The following GRID2 variants were observed in gnomAD, a reference collection of about 807,000 sequenced individuals.
The protein encoded by GRID2 is glutamate receptor ionotropic, delta-2.
A neutral mutation model predicts 114.8 loss-of-function variants in GRID2; 33 were observed. The observed-to-expected ratio is 0.29, with a 90% CI of 0.22 to 0.38. The LOEUF (loss-of-function observed/expected upper bound fraction) is 0.38, where lower values mean the gene tolerates loss of function less well. GRID2 is among the 10% of genes least tolerant of loss of function. The pLI is 1.00. For synonymous variants in GRID2, 505 were observed against 449.9 expected (o/e 1.12, Z -1.55); for missense variants, 1,184 against 1,257.7 (o/e 0.94, Z 0.89).
At chr4:93,155,989 C>G (rs1219259403) in intron 4 of GRID2, among the ~76,000 whole-genome samples, 2 of 150,900 alleles carry the variant, frequency 1.3e-5, no homozygotes, top group East Asian at 3.9e-4. Context: ...ATTCCTAACA[C>G]GAAGAAACGA....
chr4:93,625,755 A>C (rs983182384), intron 13 of GRID2, among the ~76,000 whole-genome samples: 2 of 152,266 alleles, frequency 1.3e-5, no homozygotes, highest in Middle Eastern at 6.8e-3. Context: ...CTCTACTAAA[A>C]ATACAAAAAA....
intron 1 of GRID2, among the ~76,000 whole-genome samples, chr4:93,794,469 C>G (rs542691864): frequency 6.6e-6 from 1 of 152,238 alleles, no homozygotes; most frequent in East Asian, 1.9e-4. Context: ...GGAAAGGAGC[C>G]GTGGAGAGGC....
chr4:92,596,786 G>C (rs756122287), intron 2 of GRID2, among the ~76,000 whole-genome samples: 41 of 151,280 alleles, frequency 2.7e-4, no homozygotes, highest in Admixed American at 9.2e-4. Flanking sequence ...ACCTAATTTT[G>C]AGATTACTCA....
intron 2 of GRID2, among the ~76,000 whole-genome samples, chr4:92,646,053 C>A (rs1731601534): frequency 1.3e-5 from 2 of 151,740 alleles, no homozygotes; most frequent in South Asian, 4.2e-4. Flanking sequence ...GTTTTAGACT[C>A]CTACCGGCTT....
At chr4:93,413,202 C>T (rs1767376129) in intron 9 of GRID2, among the ~76,000 whole-genome samples, 3 of 152,136 alleles carry the variant, frequency 2.0e-5, no homozygotes, top group Admixed American at 2.0e-4. Context: ...AACTAATTTA[C>T]ACTCCCACCA....
intron 13 of GRID2, among the ~76,000 whole-genome samples, chr4:93,591,731 A>G (rs1738340448): frequency 6.6e-6 from 1 of 152,184 alleles, no homozygotes; most frequent in Non-Finnish European, 1.5e-5. Flanking sequence ...CCACAATTTC[A>G]GATCCTGTTA....
chr4:92,451,551 G>C (rs1364651099), intron 1 of GRID2, among the ~76,000 whole-genome samples: 1 of 151,980 alleles, frequency 6.6e-6, no homozygotes, highest in African/African-American at 2.4e-5. Context: ...ATGTGCTCAG[G>C]GTAGAAGTAA....
At chr4:93,108,879 T>A (rs772292861) in intron 3 of GRID2, among the ~76,000 whole-genome samples, 1 of 152,132 alleles carries the variant, frequency 6.6e-6, no homozygotes, top group Non-Finnish European at 1.5e-5. Context: ...TCTGCCCCCC[T>A]CGGTCTCCCA....
At chr4:93,704,487 G>A (rs537016565) in intron 14 of GRID2, among the ~76,000 whole-genome samples, 50 of 152,168 alleles carry the variant, frequency 3.3e-4, no homozygotes, top group African/African-American at 1.2e-3. Context: ...CTGTGCAGAA[G>A]CTCTTTAGTT....
intron 13 of GRID2, among the ~76,000 whole-genome samples, chr4:93,624,988 G>T (rs1742564993): frequency 6.6e-6 from 1 of 152,194 alleles, no homozygotes; most frequent in South Asian, 2.1e-4. Context: ...CCACCAGGGA[G>T]TTTTCTTCTA....
chr4:92,704,744 TCCCTCC>T (rs1734873325), intron 2 of GRID2, among the ~76,000 whole-genome samples: 9 of 147,520 alleles, frequency 6.1e-5, no homozygotes, highest in South Asian at 2.2e-4. Context: ...TCTCTCTCTC[TCCCTCC>T]CTCTCTCCCT....
At chr4:92,733,492 G>A (rs765240752) in intron 2 of GRID2, among the ~76,000 whole-genome samples, 1 of 152,028 alleles carries the variant, frequency 6.6e-6, no homozygotes, top group Non-Finnish European at 1.5e-5. Context: ...CAGGGGACAG[G>A]ACTGAAAAGA....
intron 2 of GRID2, among the ~76,000 whole-genome samples, chr4:93,035,510 T>A (rs1456632605): frequency 6.6e-6 from 1 of 152,136 alleles, no homozygotes; most frequent in Non-Finnish European, 1.5e-5. Context: ...ATTTTCTCAT[T>A]GTTTCTGTGG....
At chr4:93,780,536 C>G (rs1176760946) in intron 1 of GRID2, among the ~76,000 whole-genome samples, 2 of 152,176 alleles carry the variant, frequency 1.3e-5, no homozygotes, top group Admixed American at 1.3e-4. Flanking sequence ...TTTACTAGTT[C>G]CAGCAGGTTG....
intron 2 of GRID2, among the ~76,000 whole-genome samples, chr4:92,672,637 C>T (rs1328331993): frequency 1.3e-5 from 2 of 152,092 alleles, no homozygotes; most frequent in Non-Finnish European, 2.9e-5. Context: ...TTTAGTCTAA[C>T]ATATTGCCAT....
At chr4:92,422,892 A>G (rs1200131447) in intron 1 of GRID2, among the ~76,000 whole-genome samples, 1 of 152,178 alleles carries the variant, frequency 6.6e-6, no homozygotes, top group African/African-American at 2.4e-5. Context: ...AGTTCCCCCC[A>G]AAGTTAGTTC....
intron 1 of GRID2, among the ~76,000 whole-genome samples, chr4:92,498,502 G>C (rs1469934232): frequency 1.3e-5 from 2 of 151,588 alleles, no homozygotes; most frequent in Non-Finnish European, 3.0e-5. Context: ...TACACGAAAA[G>C]GATAAGGTTT....
chr4:92,597,440 C>G (rs1260260375), intron 2 of GRID2, among the ~76,000 whole-genome samples: 2 of 152,026 alleles, frequency 1.3e-5, no homozygotes. Context: ...AATTTTATAG[C>G]CTTTGTGCTT....
Position 92,990,289 on chromosome 4 carries a change from A to G in GRID2, c.245-94706A>G, listed in dbSNP as rs531044303. 4.1e-3 allele frequency among the ~76,000 whole-genome samples: 188 copies of G among 45,970 alleles called. 4 individuals are homozygous for G. Among genetic ancestry groups the G allele is most frequent in the African/African-American group, 0.015 (144 of 9,560 alleles). 30.2% of individuals were successfully genotyped at this position (45,970 alleles called of 152,430 possible). On this transcript the variant is annotated intron_variant, in intron 2 of 15. Transcript: ENST00000282020. ...TATATGTACGTAGATATGTGTGTGT[A>G]TATATATATATATATATGTGTGTGT...
Sources: gnomAD v4.1 joint callset for allele counts (sites outside exome capture counted in the v4.1 genomes callset) on GRCh38, gnomAD v4.1.1 for gene constraint, MANE v1.5 for transcripts, NCBI Gene and HGNC (gene_info 2026-07-23, HGNC 2026-07-21) for gene names.